The following IL1RAPL1 variants were observed in gnomAD, a reference collection of about 807,000 sequenced individuals.
IL1RAPL1 encodes interleukin 1 receptor accessory protein like 1, also known as interleukin-1 receptor accessory protein-like 1.
A neutral mutation model predicts 48.4 loss-of-function variants in IL1RAPL1; 3 were observed. The ratio of observed to expected loss-of-function variants is 0.06; its 90% CI spans 0.03 to 0.16. The LOEUF (loss-of-function observed/expected upper bound fraction) is 0.16, where lower values mean the gene tolerates loss of function less well. IL1RAPL1 is among the 10% of genes least tolerant of loss of function. IL1RAPL1 has a pLI of 1.00. For synonymous variants in IL1RAPL1, 185 were observed against 187.7 expected, an observed-to-expected ratio of 0.99 and a Z score of 0.12; for missense variants, 349 against 530.6, an observed-to-expected ratio of 0.66 and a Z score of 3.36.
intron 3 of IL1RAPL1, among the ~76,000 whole-genome samples, chrX:29,294,049 AAT>A (rs1932411319): frequency 1.8e-5 from 2 of 110,240 alleles, no homozygotes; most frequent in African/African-American, 6.6e-5. Context: ...AAAAAAAAAA[AAT>A]AAATGAATAA....
rs770430152 is a variant in IL1RAPL1, at chrX:29,388,427, A to G, written c.363-7831A>G. On this transcript the variant is annotated intron_variant, in intron 3 of 10. Coordinates refer to ENST00000378993, the MANE Select transcript of IL1RAPL1 (RefSeq NM_014271.4). The stretch of plus-strand genomic sequence containing the variant: ...CATATGACCCAGCAATTCAAATTCT[A>G]GATATATACCGAAAAGAATTAAAAG... Among the ~76,000 whole-genome samples the G allele has an allele frequency of 2.1e-3, 231 of 112,198 alleles. 3 individuals are homozygous for G. The highest frequency in any genetic ancestry group is 7.0e-3 in the African/African-American group (218 of 30,976).
At chrX:29,061,182 T>C (rs1043663872) in intron 2 of IL1RAPL1, among the ~76,000 whole-genome samples, 4 of 111,779 alleles carry the variant, frequency 3.6e-5, no homozygotes, top group African/African-American at 1.3e-4. Context: ...AAATGTTTAT[T>C]TAATACTAAC....
At chrX:29,228,266 C>T (rs1358849532) in intron 2 of IL1RAPL1, among the ~76,000 whole-genome samples, 1 of 97,521 alleles carries the variant, frequency 1.0e-5, no homozygotes, top group Non-Finnish European at 2.0e-5. Flanking sequence ...GAATGGCATC[C>T]TTACTTTTCT....
intron 2 of IL1RAPL1, among the ~76,000 whole-genome samples, chrX:28,793,672 A>G (rs1434750845): frequency 9.0e-6 from 1 of 111,368 alleles, no homozygotes; most frequent in African/African-American, 3.3e-5. Flanking sequence ...AATAGTATAA[A>G]TAGTTGAAGG....
chrX:28,886,059 G>T (rs1922620349), intron 2 of IL1RAPL1, among the ~76,000 whole-genome samples: 1 of 109,799 alleles, frequency 9.1e-6, no homozygotes. Flanking sequence ...CAGATTTTTT[G>T]TTTCTAGCCT....
At chrX:29,682,027 A>G (rs1926467378) in intron 6 of IL1RAPL1, among the ~76,000 whole-genome samples, 1 of 112,005 alleles carries the variant, frequency 8.9e-6, no homozygotes, top group Non-Finnish European at 1.9e-5. Flanking sequence ...ATTACACATT[A>G]TATGCATATA....
At chrX:29,143,391 A>G (rs1037157149) in intron 2 of IL1RAPL1, among the ~76,000 whole-genome samples, 1 of 112,069 alleles carries the variant, frequency 8.9e-6, no homozygotes, top group Non-Finnish European at 1.9e-5. Flanking sequence ...AAGATACAGT[A>G]GTTCCCCCTT....
At chrX:28,889,057 T>C (rs1411120616) in intron 2 of IL1RAPL1, among the ~76,000 whole-genome samples, 1 of 111,618 alleles carries the variant, frequency 9.0e-6, no homozygotes, top group Non-Finnish European at 1.9e-5. Context: ...CTGTTAGCTT[T>C]AGTATTTTTC....
chrX:29,297,296 T>C (rs1932463441), intron 3 of IL1RAPL1, among the ~76,000 whole-genome samples: 1 of 112,552 alleles, frequency 8.9e-6, no homozygotes, highest in East Asian at 2.8e-4. Context: ...TCACGTAAAG[T>C]AGTTATAAGG....
chrX:29,228,178 G>GCACACACA (rs35435025), intron 2 of IL1RAPL1, among the ~76,000 whole-genome samples: 8 of 84,388 alleles, frequency 9.5e-5, no homozygotes, highest in Non-Finnish European at 1.6e-4. Flanking sequence ...ACACACGCGT[G>GCACACACA]CACACACACA....
At chrX:28,990,311 C>G (rs1925572515) in intron 2 of IL1RAPL1, among the ~76,000 whole-genome samples, 1 of 111,793 alleles carries the variant, frequency 8.9e-6, no homozygotes, top group Non-Finnish European at 1.9e-5. Flanking sequence ...GAGAACATAT[C>G]TAGAATAAGC....
At chrX:29,069,909 G>A (rs763908464) in intron 2 of IL1RAPL1, among the ~76,000 whole-genome samples, 33 of 111,056 alleles carry the variant, frequency 3.0e-4, no homozygotes, top group Non-Finnish European at 5.3e-4. Context: ...TTTACAAGTA[G>A]GAATGAAATT....
chrX:29,055,086 A>G (rs939582987), intron 2 of IL1RAPL1, among the ~76,000 whole-genome samples: 2 of 111,844 alleles, frequency 1.8e-5, no homozygotes, highest in Admixed American at 9.5e-5. Flanking sequence ...TTACCTAAAT[A>G]TAAGTATTTA....
At chrX:29,742,807 G>A (rs953527568) in intron 6 of IL1RAPL1, among the ~76,000 whole-genome samples, 3 of 111,503 alleles carry the variant, frequency 2.7e-5, no homozygotes, top group Non-Finnish European at 5.6e-5. Flanking sequence ...TCTTTAGGCT[G>A]GGTTACTAAT....
chrX:29,375,188 T>G, intron 3 of IL1RAPL1, among the ~76,000 whole-genome samples: 1 of 78,430 alleles, frequency 1.3e-5, no homozygotes, highest in Non-Finnish European at 2.4e-5. Flanking sequence ...TGAGATGGAG[T>G]CTCACTCTTG....
chrX:28,810,833 A>T (rs1936786394), intron 2 of IL1RAPL1, among the ~76,000 whole-genome samples: 1 of 110,328 alleles, frequency 9.1e-6, no homozygotes, highest in South Asian at 3.8e-4. Context: ...TTATGCTGTT[A>T]TGTAATGAAG....
intron 6 of IL1RAPL1, among the ~76,000 whole-genome samples, chrX:29,881,912 C>T (rs900847393): frequency 1.8e-5 from 2 of 111,441 alleles, no homozygotes; most frequent in Admixed American, 1.9e-4. Flanking sequence ...TAGTTGGAAC[C>T]TCATGATCCA....
intron 1 of IL1RAPL1, among the ~76,000 whole-genome samples, chrX:28,723,726 C>A (rs1254215875): frequency 2.7e-5 from 3 of 111,684 alleles, no homozygotes; most frequent in Admixed American, 9.5e-5. Flanking sequence ...CTCTTGTGGG[C>A]ATTTAGTGGC....
chrX:29,893,172 A>C (rs1932304773), intron 6 of IL1RAPL1, among the ~76,000 whole-genome samples: 1 of 111,720 alleles, frequency 9.0e-6, no homozygotes, highest in Non-Finnish European at 1.9e-5. Context: ...TACTGTATTC[A>C]TACAGTTAAT....
Sources: allele counts gnomAD v4.1 joint callset (sites outside exome capture counted in the v4.1 genomes callset), GRCh38; gene constraint gnomAD v4.1.1; transcripts MANE v1.5; gene names NCBI Gene and HGNC (gene_info 2026-07-23, HGNC 2026-07-21).